TRIM7: variants seen among roughly 807,000 people sequenced by gnomAD.
TRIM7 encodes tripartite motif containing 7.
Under a neutral mutation model 37.9 loss-of-function variants are expected in TRIM7, and 32 were observed. That is an observed-to-expected ratio of 0.84 (90% CI 0.64 to 1.13). The LOEUF is 1.13. Ranked by LOEUF, TRIM7 falls within the 50% of genes most tolerant of loss-of-function variation. The pLI, the probability that TRIM7 is intolerant of heterozygous loss-of-function variation, is 0.00. For missense variants in TRIM7, 732 were observed against 714.0 expected, an observed-to-expected ratio of 1.03 and a Z score of -0.29; for synonymous variants, 351 against 321.3, an observed-to-expected ratio of 1.09 and a Z score of -0.99.
rs1757384024 is a variant in TRIM7, at chr5:181,200,101, T to C, written c.619-20A>G. On this transcript the variant is annotated intron_variant, in intron 2 of 6. Coordinates refer to ENST00000274773, the MANE Select transcript of TRIM7 (RefSeq NM_203293.3). ...CTGTTTCTGTCCCAGGAGGAGAAGTTGGAGAGGGACTTGAACATGGAGACA... is the reference window on the plus strand; with the variant it reads ...CTGTTTCTGTCCCAGGAGGAGAAGTCGGAGAGGGACTTGAACATGGAGACA... 6.2e-7 allele frequency: 1 copy of C among 1,614,242 alleles called. No individual in the cohort carries two copies. Among genetic ancestry groups the C allele is most frequent in the Non-Finnish European group, 8.5e-7 (1 of 1,180,034 alleles).
intron 1 of TRIM7, chr5:181,204,320 G>T (rs1561652411): frequency 1.9e-5 from 22 of 1,184,628 alleles, no homozygotes; most frequent in Non-Finnish European, 2.0e-5. Context: ...ACATCGCCAA[G>T]TCCGTGGGGG....
rs548515291 is a variant in TRIM7, at chr5:181,201,555, G to T, written c.619-1474C>A. The stretch of plus-strand genomic sequence containing the variant: ...AGGTTGCTTGAGCCCACGAGTTCCA[G>T]ACCAGCCTGGGCAACACAGGAGACT... On this transcript the variant is annotated intron_variant, in intron 2 of 6. Transcript: ENST00000274773. 5.3e-5 allele frequency among the ~76,000 whole-genome samples: 8 copies of T among 152,264 alleles called. No individual in the cohort carries two copies. The South Asian group carries it at 1.7e-3, about 32-fold the overall frequency.
rs778777301 is a variant in TRIM7, at chr5:181,204,630, G to C, written c.481C>G (p.His161Asp). 3.2e-4 allele frequency: 472 copies of C among 1,479,044 alleles called. 3 individuals are homozygous for C. The African/African-American group carries it at 6.1e-3, about 19-fold the overall frequency. The allele number at this position is 1,479,044 out of a possible 1,614,324, so 91.6% of individuals were successfully genotyped here. ...VCDRAREHRE[H>D]AVLPLDEAVQ... ...GCCTCGTCCAGCGGCAGCACGGCGTGCTCGCGGTGCTCGCGGGCGCGGTCG... is the reference window on the plus strand; with the variant it reads ...GCCTCGTCCAGCGGCAGCACGGCGTCCTCGCGGTGCTCGCGGGCGCGGTCG... Residue 161 changes from histidine (H) to aspartate (D), a missense_variant, in exon 1 of 7, where the codon CAC becomes GAC. His to Asp is a moderately conservative substitution (Grantham distance 81). Coordinates refer to ENST00000274773, the MANE Select transcript of TRIM7 (RefSeq NM_203293.3).
chr5:181,200,774 T>C (rs1455202375), intron 2 of TRIM7: 2 of 986,074 alleles, frequency 2.0e-6, no homozygotes, highest in East Asian at 1.1e-4. Context: ...TGATTTTTTA[T>C]GTGAACACAC....
At chr5:181,203,971 CTG>C in intron 1 of TRIM7, 1 of 1,086,784 alleles carries the variant, frequency 9.2e-7, no homozygotes, top group Non-Finnish European at 1.1e-6. Flanking sequence ...CAAGGAGAGA[CTG>C]GGGACTGCCG....
chr5:181,203,493 G>A (rs769763860), intron 2 of TRIM7, 52 bp downstream of exon 2: 1 of 1,609,308 alleles, frequency 6.2e-7, no homozygotes, highest in South Asian at 1.1e-5. Context: ...CTGGTGCTGA[G>A]TTCTCAGGCC....
chr5:181,198,901 G>A, intron 4 of TRIM7, 96 bp from the exon 5 acceptor site: 1 of 1,198,982 alleles, frequency 8.3e-7, no homozygotes, highest in Non-Finnish European at 1.2e-6. Flanking sequence ...GCAGAAAGAG[G>A]TAGAAAAGGG....
chr5:181,198,221 G>A lies in TRIM7; in HGVS notation c.989-3C>T. The A allele has an allele frequency of 6.2e-7, 1 of 1,614,134 alleles. No individual in the cohort carries two copies. The highest frequency in any genetic ancestry group is 1.1e-5 in the South Asian group (1 of 91,074). On this transcript the variant is annotated splice_polypyrimidine_tract_variant and splice_region_variant and intron_variant, in intron 5 of 6. Coordinates refer to ENST00000274773, the MANE Select transcript of TRIM7 (RefSeq NM_203293.3). ...CTCCAGCTCTCCCCGAAGGTCCTCT[G>A]AGGAGGAGAAACAAAGCAAGGCGTG...
intron 3 of TRIM7, 51 bp from the exon 4 acceptor site, chr5:181,199,168 A>T: frequency 6.2e-7 from 1 of 1,610,272 alleles, no homozygotes; most frequent in Non-Finnish European, 8.5e-7. Context: ...ACCTCCATTC[A>T]CCTCTGAGAA....
chr5:181,203,465 C>A (rs1185515876), intron 2 of TRIM7, 80 bp downstream of exon 2: 5 of 1,594,608 alleles, frequency 3.1e-6, no homozygotes, highest in East Asian at 2.2e-5. Flanking sequence ...CACACTCCAA[C>A]ACCACACACA....
chr5:181,201,009 T>C, intron 2 of TRIM7: 1 of 741,090 alleles, frequency 1.3e-6, no homozygotes, highest in Non-Finnish European at 1.6e-6. Context: ...TCCCTTCAAG[T>C]CTTACAGGTG....
Position 181,204,010 on chromosome 5 carries a change from C to T in TRIM7, c.523-370G>A, listed in dbSNP as rs997209834. ...CCGAGCCTCCCCGCCCCGCCCTCAC[C>T]CCTGCACACACCCTCGCTGAGGCTC... On this transcript the variant is annotated intron_variant, in intron 1 of 6. Coordinates refer to ENST00000274773, the MANE Select transcript of TRIM7 (RefSeq NM_203293.3). 2.1e-5 allele frequency: 22 copies of T among 1,034,046 alleles called. No homozygotes were observed. In the African/African-American group the frequency reaches 3.7e-4, roughly 18 times the overall value. 64.1% of individuals were successfully genotyped at this position (1,034,046 alleles called of 1,614,324 possible). A position where few individuals can be genotyped will look rare whatever the true frequency, so the allele number is the denominator to read the frequency against.
Position 181,204,995 on chromosome 5 carries a change from G to A in TRIM7, c.116C>T (p.Pro39Leu), listed in dbSNP as rs1319101546. 3 of 1,487,456 alleles carry A rather than the reference G, an allele frequency of 2.0e-6. No homozygotes were observed. Among genetic ancestry groups the A allele is most frequent in the East Asian group, 5.8e-5 (2 of 34,568 alleles). The allele number at this position is 1,487,456 out of a possible 1,614,324, so 92.1% of individuals were successfully genotyped here. A position where few individuals can be genotyped will look rare whatever the true frequency, so the allele number is the denominator to read the frequency against. ...GCTGTGGCCGCACTCGACGGACACCGGCTCACGAAAGAGCTCTAGGCAGAT... is the reference window on the plus strand; with the variant it reads ...GCTGTGGCCGCACTCGACGGACACCAGCTCACGAAAGAGCTCTAGGCAGAT... The part of the protein sequence containing the change: ...CSICLELFRE[P>L]VSVECGHSFC... Residue 39 changes from proline (P) to leucine (L), a missense_variant, in exon 1 of 7, where the codon CCG becomes CTG. Coordinates refer to ENST00000274773, the MANE Select transcript of TRIM7 (RefSeq NM_203293.3).
intron 6 of TRIM7, chr5:181,197,741 C>A (rs191520852): frequency 5.7e-6 from 1 of 176,834 alleles, no homozygotes; most frequent in Admixed American, 5.9e-5. Flanking sequence ...GCCCTCCCCT[C>A]CCCTCCTCTG....
rs1757747989 is a variant in TRIM7 at position 181,205,124 on chromosome 5, G to A, written c.-14C>T. ...CACAGCCGCCATGCGCGCTCTCCGCGCACCCAGATCTGGTCGCGCCTGGGC... is the reference window on the plus strand; with the variant it reads ...CACAGCCGCCATGCGCGCTCTCCGCACACCCAGATCTGGTCGCGCCTGGGC... On this transcript the variant is annotated 5_prime_UTR_variant, in exon 1 of 7. Coordinates refer to ENST00000274773, the MANE Select transcript of TRIM7 (RefSeq NM_203293.3). 2 of 1,306,858 alleles carry A rather than the reference G, an allele frequency of 1.5e-6. No individual in the cohort carries two copies. Among genetic ancestry groups the A allele is most frequent in the African/African-American group, 3.1e-5 (2 of 64,802 alleles). The allele number at this position is 1,306,858 out of a possible 1,614,324, so 81.0% of individuals were successfully genotyped here.
Position 181,205,149 on chromosome 5 carries a change from C to A in TRIM7, c.-39G>T. ...GCACCCAGATCTGGTCGCGCCTGGG[C>A]GGCCACTGGACCTCACAGGACGCGG... On this transcript the variant is annotated 5_prime_UTR_variant, in exon 1 of 7. Coordinates refer to ENST00000274773, the MANE Select transcript of TRIM7 (RefSeq NM_203293.3). The A allele has an allele frequency of 1.6e-6, 2 of 1,281,406 alleles. No homozygotes were observed. The highest frequency in any genetic ancestry group is 3.1e-5 in the East Asian group (1 of 31,840). 79.4% of individuals were successfully genotyped at this position (1,281,406 alleles called of 1,614,324 possible).
chr5:181,204,934 G>A lies in TRIM7; in HGVS notation c.177C>T (p.Arg59=), dbSNP rs1464852109. 5.0e-6 allele frequency: 7 copies of A among 1,412,144 alleles called. No individual in the cohort carries two copies. The highest frequency in any genetic ancestry group is 1.5e-5 in the African/African-American group (1 of 65,876). 87.5% of individuals were successfully genotyped at this position (1,412,144 alleles called of 1,614,324 possible). A position where few individuals can be genotyped will look rare whatever the true frequency, so the allele number is the denominator to read the frequency against. Residue 59 remains arginine (R), a synonymous_variant, in exon 1 of 7, where the codon CGC becomes CGT. Coordinates refer to ENST00000274773, the MANE Select transcript of TRIM7 (RefSeq NM_203293.3). The part of the protein sequence containing the change: ...CRACIGRCWE[R]PGAGSVGAAT... ...CGGCCCCAACAGACCCCGCGCCCGGGCGCTCCCAGCAGCGCCCTATGCAGG... is the reference window on the plus strand; with the variant it reads ...CGGCCCCAACAGACCCCGCGCCCGGACGCTCCCAGCAGCGCCCTATGCAGG...
chr5:181,201,045 C>G (rs1757455394), intron 2 of TRIM7: 1 of 430,190 alleles, frequency 2.3e-6, no homozygotes, highest in Non-Finnish European at 3.1e-6. Context: ...GACACATCAC[C>G]AGGAAGTGTT....
At chr5:181,200,103 G>C in intron 2 of TRIM7, 22 bp from the exon 3 acceptor site, 2 of 1,614,276 alleles carry the variant, frequency 1.2e-6, no homozygotes, top group Non-Finnish European at 1.7e-6. Flanking sequence ...GGAGAAGTTG[G>C]AGAGGGACTT....
Sources: gnomAD v4.1 joint callset for allele counts (sites outside exome capture counted in the v4.1 genomes callset) on GRCh38, gnomAD v4.1.1 for gene constraint, MANE v1.5 for transcripts, NCBI Gene and HGNC (gene_info 2026-07-23, HGNC 2026-07-21) for gene names.